HAUS1: variants seen among roughly 807,000 people sequenced by gnomAD.
The protein encoded by HAUS1 is HAUS augmin-like complex subunit 1.
HAUS1 carries 25 observed loss-of-function variants against 38.6 expected under a neutral mutation model. The ratio of observed to expected loss-of-function variants is 0.65; its 90% CI spans 0.47 to 0.91. HAUS1 has a LOEUF of 0.91. Among genes scored for constraint, HAUS1 ranks in the 40% least tolerant of loss-of-function variants. HAUS1 has a pLI of 0.00. For synonymous variants in HAUS1, 109 were observed against 112.9 expected, an observed-to-expected ratio of 0.97 and a Z score of 0.22; for missense variants, 325 against 328.4, an observed-to-expected ratio of 0.99 and a Z score of 0.08.
intron 4 of HAUS1, 134 bp from the exon 5 acceptor site, chr18:46,122,333 A>G (rs1438117087): frequency 3.8e-6 from 3 of 782,122 alleles, no homozygotes. Flanking sequence ...AGAGTGCAAC[A>G]TGGAGGGGAA....
At chr18:46,110,408 A>G (rs531246426) in intron 2 of HAUS1, among the ~76,000 whole-genome samples, 148 of 124,432 alleles carry the variant, frequency 1.2e-3, no homozygotes, top group Non-Finnish European at 2.0e-3. Flanking sequence ...GCGGTGGCGC[A>G]GTCTCGGCTC....
chr18:46,115,857 C>G (rs1347897748), intron 2 of HAUS1, among the ~76,000 whole-genome samples: 2 of 152,216 alleles, frequency 1.3e-5, no homozygotes, highest in Admixed American at 1.3e-4. Flanking sequence ...TGGCTCACAC[C>G]TATAATCTCA....
At chr18:46,105,641 G>A (rs1418873237) in intron 2 of HAUS1, among the ~76,000 whole-genome samples, 1 of 151,502 alleles carries the variant, frequency 6.6e-6, no homozygotes, top group Non-Finnish European at 1.5e-5. Context: ...GAGTGCAGTG[G>A]TGTGATCTCA....
intron 2 of HAUS1, among the ~76,000 whole-genome samples, chr18:46,112,975 AT>A (rs1396930933): frequency 1.5e-4 from 10 of 67,952 alleles, no homozygotes; most frequent in African/African-American, 6.0e-4. Flanking sequence ...TATATTCCAT[AT>A]TATATATATA....
intron 5 of HAUS1, chr18:46,123,070 G>T (rs1911991524): frequency 2.3e-6 from 1 of 436,040 alleles, no homozygotes; most frequent in Non-Finnish European, 4.2e-6. Context: ...AATTAGCCGG[G>T]CGTGGTGGTG....
At chr18:46,119,792 TA>T in intron 3 of HAUS1, 133 bp from the exon 4 acceptor site, 66 of 702,802 alleles carry the variant, frequency 9.4e-5, no homozygotes, top group South Asian at 1.9e-4. Context: ...GAACAGTGTG[TA>T]AAAAAAGGCA....
intron 8 of HAUS1, chr18:46,126,060 A>T (rs1912096402): frequency 4.4e-6 from 1 of 228,318 alleles, no homozygotes. Context: ...GTGGCATCTG[A>T]GGTCAGGAGT....
intron 2 of HAUS1, among the ~76,000 whole-genome samples, chr18:46,115,390 C>G (rs1255268373): frequency 6.7e-6 from 1 of 148,680 alleles, no homozygotes; most frequent in Non-Finnish European, 1.5e-5. Flanking sequence ...ACCTGGGAGG[C>G]AGAGGTTGCA....
At chr18:46,117,737 G>A (rs765581327) in intron 2 of HAUS1, among the ~76,000 whole-genome samples, 7 of 152,130 alleles carry the variant, frequency 4.6e-5, no homozygotes, top group Admixed American at 3.9e-4. Context: ...GAGGTCAGGA[G>A]TTTGAGACCA....
intron 4 of HAUS1, 131 bp from the exon 5 acceptor site, chr18:46,122,336 G>T (rs868334396): frequency 1.1e-5 from 9 of 805,714 alleles, no homozygotes; most frequent in Middle Eastern, 7.6e-4. Context: ...GTGCAACATG[G>T]AGGGGAAGAT....
intron 8 of HAUS1, 104 bp from the exon 9 acceptor site, chr18:46,127,971 G>T: frequency 1.7e-6 from 1 of 590,490 alleles, no homozygotes; most frequent in South Asian, 3.2e-5. Flanking sequence ...AAAATTTTTT[G>T]TTCTAATGTT....
In HAUS1 at chr18:46,110,646, A is replaced by G. The variant is rs114065508; in HGVS notation, c.205+5278A>G. Among the ~76,000 whole-genome samples, 1,510 of 151,188 alleles carry G rather than the reference A, an allele frequency of 1.0e-2. 27 individuals carry two copies. The highest frequency in any genetic ancestry group is 0.034 in the African/African-American group (1,423 of 41,272). ...CGTGAGTCACCAACCTGGCCTTTCA[A>G]ATTTTTTTGTAGAGGTGGGATCTTG... On this transcript the variant is annotated intron_variant, in intron 2 of 8. Transcript: ENST00000282058.
intron 2 of HAUS1, among the ~76,000 whole-genome samples, chr18:46,108,984 T>C (rs1911548463): frequency 6.8e-6 from 1 of 146,784 alleles, no homozygotes; most frequent in African/African-American, 2.5e-5. Context: ...GGCAGGAGAA[T>C]GGCATGAACC....
At chr18:46,124,372 G>A (rs112536127) in intron 6 of HAUS1, among the ~76,000 whole-genome samples, 4 of 147,512 alleles carry the variant, frequency 2.7e-5, no homozygotes, top group Non-Finnish European at 4.5e-5. Context: ...GGCCGAGATC[G>A]TGCCACTGCA....
chr18:46,118,145 G>A (rs1306096895), intron 2 of HAUS1, 36 bp from the exon 3 acceptor site: 2 of 1,604,816 alleles, frequency 1.2e-6, no homozygotes, highest in Non-Finnish European at 1.7e-6. Flanking sequence ...TTTTAAAAAA[G>A]CAAACAGTCA....
intron 2 of HAUS1, among the ~76,000 whole-genome samples, chr18:46,112,972 CATATTATATATATAATAT>C (rs1241323320): frequency 1.4e-5 from 1 of 72,388 alleles, no homozygotes; most frequent in African/African-American, 7.6e-5. Context: ...GTATATATTC[CATATTATATATATAATAT>C]ATATTCCATA....
intron 2 of HAUS1, among the ~76,000 whole-genome samples, chr18:46,108,209 A>AAGT (rs898637504): frequency 8.6e-5 from 13 of 151,890 alleles, no homozygotes; most frequent in Non-Finnish European, 1.5e-5. Flanking sequence ...CTTCACCATT[A>AAGT]AGTGTAATGT....
chr18:46,110,976 A>G (rs1005838297), intron 2 of HAUS1, among the ~76,000 whole-genome samples: 1 of 149,836 alleles, frequency 6.7e-6, no homozygotes, highest in Non-Finnish European at 1.5e-5. Flanking sequence ...TTCCGGATTC[A>G]AGCGATTCTC....
intron 4 of HAUS1, among the ~76,000 whole-genome samples, chr18:46,120,594 TTTTC>T (rs1321677700): frequency 6.6e-6 from 1 of 151,998 alleles, no homozygotes; most frequent in Non-Finnish European, 1.5e-5. Context: ...CCTTATTTTT[TTTTC>T]TTTTTGAGAT....
Sources: gnomAD v4.1 joint callset for allele counts (sites outside exome capture counted in the v4.1 genomes callset) on GRCh38, gnomAD v4.1.1 for gene constraint, MANE v1.5 for transcripts, NCBI Gene and HGNC (gene_info 2026-07-23, HGNC 2026-07-21) for gene names.